The following SNX2 variants were observed in gnomAD, a reference collection of about 807,000 sequenced individuals.
SNX2 encodes sorting nexin-2.
SNX2 carries 25 observed loss-of-function variants against 69.9 expected under a neutral mutation model. That is an observed-to-expected ratio of 0.36 (90% CI 0.26 to 0.50). The LOEUF is 0.50. Among genes scored for constraint, SNX2 ranks in the 20% least tolerant of loss-of-function variants. The pLI, the probability that SNX2 is intolerant of heterozygous loss-of-function variation, is 0.97. For synonymous variants in SNX2, 229 were observed against 200.4 expected (o/e 1.14, Z -1.20); for missense variants, 551 against 613.3 (o/e 0.90, Z 1.07).
At chr5:122,789,002 C>T (rs1394948360) in intron 1 of SNX2, among the ~76,000 whole-genome samples, 1 of 152,282 alleles carries the variant, frequency 6.6e-6, no homozygotes, top group East Asian at 1.9e-4. Flanking sequence ...TCTTAAACAT[C>T]CCAAATGTTA....
intron 11 of SNX2, 147 bp from the exon 12 acceptor site, chr5:122,825,903 T>A (rs984778973): frequency 1.6e-6 from 1 of 614,506 alleles, no homozygotes; most frequent in East Asian, 3.2e-5. Context: ...TTCTTTGATA[T>A]TGGCATACTT....
Position 122,829,770 on chromosome 5 carries a change from TTA to T in SNX2, c.*127_*128del, listed in dbSNP as rs1249778768. 1,853 of 642,282 alleles carry T rather than the reference TTA, an allele frequency of 2.9e-3. 2 individuals carry two copies. The highest frequency in any genetic ancestry group is 3.9e-3 in the Middle Eastern group (15 of 3,832). The allele number at this position is 642,282 out of a possible 1,614,324, so 39.8% of individuals were successfully genotyped here. A position where few individuals can be genotyped will look rare whatever the true frequency, so the allele number is the denominator to read the frequency against. On this transcript the variant is annotated 3_prime_UTR_variant, in exon 15 of 15. Transcript: ENST00000379516. ...TATATTTTATGAATTACATGTGGTT[TTA>T]TATACACACACACACACACACACAC... is the stretch of plus-strand genomic sequence containing the variant.
intron 1 of SNX2, among the ~76,000 whole-genome samples, chr5:122,794,912 A>G (rs1047013209): frequency 4.6e-5 from 7 of 152,084 alleles, no homozygotes; most frequent in African/African-American, 1.7e-4. Flanking sequence ...AGTCCCAGCT[A>G]CCCTGGAGGC....
Position 122,826,108 on chromosome 5 carries a change from T to C in SNX2, c.1271T>C (p.Leu424Ser). The C allele has an allele frequency of 3.7e-6, 6 of 1,613,274 alleles. No individual in the cohort carries two copies. Among genetic ancestry groups the C allele is most frequent in the Non-Finnish European group, 5.1e-6 (6 of 1,179,454 alleles). Reference protein sequence around the residue: ...WQKWEDAQITLLKKREAEAKM... With the variant: ...WQKWEDAQITSLKKREAEAKM... ...AAATGGGAAGATGCTCAAATTACTT[T>C]GCTCAAAAAACGTGAAGCTGAAGCA... The change falls in exon 12 of 15, where the codon TTG becomes TCG. Residue 424 changes from leucine to serine, a missense_variant. By Grantham distance (145) the Leu-to-Ser change is moderately radical. Transcript: ENST00000379516.
At chr5:122,810,862 A>G (rs1753759682) in intron 7 of SNX2, among the ~76,000 whole-genome samples, 1 of 152,368 alleles carries the variant, frequency 6.6e-6, no homozygotes, top group South Asian at 2.1e-4. Flanking sequence ...AAATATAGGC[A>G]TAAAGGTGTA....
At chr5:122,813,835 G>A (rs991398992) in intron 7 of SNX2, among the ~76,000 whole-genome samples, 5 of 141,316 alleles carry the variant, frequency 3.5e-5, no homozygotes, top group Non-Finnish European at 6.0e-5. Context: ...GTGCAATGGT[G>A]CAATCTCGGC....
intron 1 of SNX2, among the ~76,000 whole-genome samples, chr5:122,786,445 G>C (rs989548358): frequency 2.4e-4 from 37 of 151,446 alleles, no homozygotes; most frequent in African/African-American, 7.7e-4. Context: ...ATGTTTATTA[G>C]TATTTCATTT....
intron 1 of SNX2, among the ~76,000 whole-genome samples, chr5:122,777,511 TAAAG>T (rs1345485923): frequency 1.3e-5 from 2 of 152,232 alleles, no homozygotes; most frequent in African/African-American, 4.8e-5. Context: ...TCTTTTAACT[TAAAG>T]TAAGTCAGAG....
chr5:122,775,139 C>A lies in SNX2; in HGVS notation c.36C>A (p.Asp12Glu). 2 of 1,595,744 alleles carry A rather than the reference C, an allele frequency of 1.3e-6. No homozygotes were observed. The highest frequency in any genetic ancestry group is 1.8e-5 in the Admixed American group (1 of 56,382). Reference sequence around the variant, plus strand: ...AGAGGGAACCTCCTCCGCTGGGGGACGGGAAGCCCACCGACTTTGAGGATC... The same window carrying A: ...AGAGGGAACCTCCTCCGCTGGGGGAAGGGAAGCCCACCGACTTTGAGGATC... ...AAEREPPPLG[D>E]GKPTDFEDLE... The change falls in exon 1 of 15, where the codon GAC (aspartate) becomes GAA (glutamate). Residue 12 changes from aspartate (D) to glutamate (E), a missense_variant. Asp to Glu is a conservative substitution (Grantham distance 45, BLOSUM62 2). Around this residue, in one of 2 missense-constraint regions of SNX2, gnomAD observed 191 missense variants for 162.9 expected, o/e 1.17. Transcript: ENST00000379516.
intron 1 of SNX2, among the ~76,000 whole-genome samples, chr5:122,783,601 A>G (rs1236584384): frequency 2.0e-5 from 3 of 152,200 alleles, no homozygotes; most frequent in Non-Finnish European, 4.4e-5. Flanking sequence ...GACCATATAT[A>G]TGTGGGTTGA....
In SNX2 at chr5:122,831,042, G is replaced by A; in HGVS notation, c.*1394G>A. On this transcript the variant is annotated 3_prime_UTR_variant, in exon 15 of 15. Coordinates refer to ENST00000379516, the MANE Select transcript of SNX2 (RefSeq NM_003100.4). ...AAAAAAAAAAAAAAAAAGATGACTG[G>A]TGTCAGAGCTATTTTTGTTTTTTAA... Among the ~76,000 whole-genome samples the A allele has an allele frequency of 6.8e-6, 1 of 146,022 alleles. No homozygotes were observed. The highest frequency in any genetic ancestry group is 2.0e-4 in the East Asian group (1 of 5,068).
chr5:122,814,027 G>T (rs916002093), intron 7 of SNX2, among the ~76,000 whole-genome samples: 1 of 152,068 alleles, frequency 6.6e-6, no homozygotes, highest in Non-Finnish European at 1.5e-5. Context: ...CTGCCAAAGT[G>T]CAGGGATTAC....
chr5:122,779,041 G>C (rs74667260), intron 1 of SNX2, among the ~76,000 whole-genome samples: 2,270 of 152,232 alleles, frequency 0.015, 23 homozygotes, highest in Non-Finnish European at 0.019. Context: ...GCAACCCTAA[G>C]CTTAATGGTG....
At chr5:122,796,850 A>C (rs1347500171) in intron 2 of SNX2, among the ~76,000 whole-genome samples, 1 of 151,976 alleles carries the variant, frequency 6.6e-6, no homozygotes, top group Non-Finnish European at 1.5e-5. Context: ...TTTTTTCTTA[A>C]CAGTATGCAC....
chr5:122,775,295 C>G, intron 1 of SNX2, 84 bp downstream of exon 1: 1 of 1,461,758 alleles, frequency 6.8e-7, no homozygotes. Flanking sequence ...CCCTCCCCAT[C>G]CCCCGTGTTT....
intron 11 of SNX2, among the ~76,000 whole-genome samples, chr5:122,821,710 C>T (rs906717277): frequency 1.3e-5 from 2 of 152,102 alleles, no homozygotes; most frequent in Non-Finnish European, 2.9e-5. Context: ...CTGCCTCAGC[C>T]TCCCAAAGTG....
chr5:122,808,561 C>T (rs972849511), intron 7 of SNX2: 108 of 414,742 alleles, frequency 2.6e-4, no homozygotes, highest in South Asian at 2.8e-4. Flanking sequence ...TTTTAGTAAT[C>T]CTCATCAATA....
At chr5:122,806,202 C>T (rs991133964) in intron 6 of SNX2, among the ~76,000 whole-genome samples, 1 of 148,508 alleles carries the variant, frequency 6.7e-6, no homozygotes, top group African/African-American at 2.5e-5. Context: ...CAGGCAACTA[C>T]AGATAATACA....
chr5:122,825,973 T>C (rs1319165714), intron 11 of SNX2, 77 bp from the exon 12 acceptor site: 1 of 1,362,522 alleles, frequency 7.3e-7, no homozygotes, highest in African/African-American at 1.4e-5. Flanking sequence ...TTGTTTTCAG[T>C]ATTATAACAC....
Sources: allele counts gnomAD v4.1 joint callset (sites outside exome capture counted in the v4.1 genomes callset), GRCh38; gene constraint gnomAD v4.1.1; regional missense constraint gnomAD v4.1.1; transcripts MANE v1.5; gene names NCBI Gene and HGNC (gene_info 2026-07-23, HGNC 2026-07-21).